NCK2: variants seen among roughly 807,000 people sequenced by gnomAD.
NCK2 encodes cytoplasmic protein NCK2.
A neutral mutation model predicts 33.9 loss-of-function variants in NCK2; 16 were observed. The ratio of observed to expected loss-of-function variants is 0.47; its 90% CI spans 0.32 to 0.72. NCK2 has a LOEUF of 0.72. Ranked by LOEUF, NCK2 falls within the 30% of genes least tolerant of loss-of-function variation. The probability of loss-of-function intolerance (pLI) is 0.03; values close to 1 mark genes in which losing one functional copy is unlikely to be tolerated. For synonymous variants in NCK2, 273 were observed against 239.9 expected, an observed-to-expected ratio of 1.14 and a Z score of -1.27; for missense variants, 418 against 537.3, an observed-to-expected ratio of 0.78 and a Z score of 2.19.
chr2:105,817,590 A>T (rs1675542577), intron 2 of NCK2, among the ~76,000 whole-genome samples: 1 of 152,186 alleles, frequency 6.6e-6, no homozygotes, highest in Admixed American at 6.5e-5. Context: ...TACAAGAAAA[A>T]AAACAACCCC....
intron 1 of NCK2, among the ~76,000 whole-genome samples, chr2:105,751,977 A>AAT (rs995639454): frequency 2.0e-5 from 3 of 152,292 alleles, no homozygotes; most frequent in African/African-American, 7.2e-5. Context: ...TATTTTGCCC[A>AAT]ATATATATAT....
intron 2 of NCK2, among the ~76,000 whole-genome samples, chr2:105,841,304 T>G (rs1676635873): frequency 6.6e-6 from 1 of 152,224 alleles, no homozygotes; most frequent in African/African-American, 2.4e-5. Context: ...CTGTGGCTTA[T>G]GTTTTTTCCC....
intron 1 of NCK2, among the ~76,000 whole-genome samples, chr2:105,787,478 G>T (rs892509937): frequency 6.6e-6 from 1 of 152,152 alleles, no homozygotes; most frequent in Non-Finnish European, 1.5e-5. Context: ...AGGACATAGC[G>T]AGAAGGCAGC....
chr2:105,852,306 CAGGGTTGTGGCCCAGGGGA>C (rs1470693247), intron 2 of NCK2, among the ~76,000 whole-genome samples: 8 of 152,140 alleles, frequency 5.3e-5, no homozygotes, highest in Non-Finnish European at 8.8e-5. Flanking sequence ...TCGCAGAGCT[CAGGGTTGTGGCCCAGGGGA>C]AGTTCTGTGG....
At chr2:105,750,037 A>AACACACACACACACACAC (rs72315025) in intron 1 of NCK2, among the ~76,000 whole-genome samples, 9,861 of 144,356 alleles carry the variant, frequency 0.068, 367 homozygotes, top group East Asian at 0.15. Context: ...AAAGCAAACA[A>AACACACACACACACACAC]ACACACACAC....
intron 1 of NCK2, among the ~76,000 whole-genome samples, chr2:105,748,016 A>C (rs116258224): frequency 1.9e-3 from 293 of 152,342 alleles, no homozygotes; most frequent in East Asian, 5.2e-3. Flanking sequence ...TCTAAAGGTA[A>C]ATGAACGTTA....
At chr2:105,744,728 C>T (rs1689200431), upstream of NCK2, among the ~76,000 whole-genome samples, 1 of 150,778 alleles carries the variant, frequency 6.6e-6, no homozygotes, top group Non-Finnish European at 1.5e-5. Context: ...GGGGGGCGCC[C>T]CAGGTGGGTC....
At chr2:105,783,829 G>A (rs1690580826) in intron 1 of NCK2, among the ~76,000 whole-genome samples, 1 of 152,094 alleles carries the variant, frequency 6.6e-6, no homozygotes, top group Non-Finnish European at 1.5e-5. Flanking sequence ...GGAAACAAGG[G>A]CATTTCTTCC....
At chr2:105,782,555 T>G (rs1690535110) in intron 1 of NCK2, among the ~76,000 whole-genome samples, 2 of 152,240 alleles carry the variant, frequency 1.3e-5, no homozygotes, top group Admixed American at 6.5e-5. Context: ...ATCCTCTCAC[T>G]CTTGAACTCC....
intron 3 of NCK2, among the ~76,000 whole-genome samples, chr2:105,874,345 TG>T (rs1389534685): frequency 6.6e-6 from 1 of 152,258 alleles, no homozygotes; most frequent in Admixed American, 6.5e-5. Flanking sequence ...AAATGTACTT[TG>T]GTCACTTTAT....
intron 3 of NCK2, among the ~76,000 whole-genome samples, chr2:105,878,466 C>T (rs1054136074): frequency 2.0e-5 from 3 of 152,194 alleles, no homozygotes; most frequent in Admixed American, 6.5e-5. Flanking sequence ...GGAACACAGA[C>T]ACACTCAGAG....
intron 4 of NCK2, among the ~76,000 whole-genome samples, chr2:105,884,020 G>T (rs931568482): frequency 6.6e-6 from 1 of 152,176 alleles, no homozygotes; most frequent in Non-Finnish European, 1.5e-5. Context: ...GGATCTTGCC[G>T]TGACACGGGC....
At chr2:105,863,492 A>G (rs1677627665) in intron 3 of NCK2, among the ~76,000 whole-genome samples, 1 of 152,148 alleles carries the variant, frequency 6.6e-6, no homozygotes, top group South Asian at 2.1e-4. Flanking sequence ...CAACAGTGTA[A>G]TAGGGTGTGT....
intron 1 of NCK2, among the ~76,000 whole-genome samples, chr2:105,815,611 G>A (rs1344333839): frequency 1.3e-5 from 2 of 152,188 alleles, no homozygotes; most frequent in Non-Finnish European, 2.9e-5. Flanking sequence ...CCACAACCAG[G>A]AGGGCGCTGG....
chr2:105,806,312 A>G (rs1271706623), intron 1 of NCK2, among the ~76,000 whole-genome samples: 1 of 144,810 alleles, frequency 6.9e-6, no homozygotes, highest in African/African-American at 2.6e-5. Context: ...ATCTCTGCTC[A>G]CTGCAAGCTC....
At chr2:105,831,427 C>G (rs1035918441) in intron 2 of NCK2, among the ~76,000 whole-genome samples, 1 of 123,946 alleles carries the variant, frequency 8.1e-6, no homozygotes. Flanking sequence ...TTTTTTTTGT[C>G]TTTTTGATAA....
intron 1 of NCK2, among the ~76,000 whole-genome samples, chr2:105,749,640 G>A (rs142746919): frequency 3.8e-4 from 58 of 152,166 alleles, no homozygotes; most frequent in African/African-American, 1.4e-3. Flanking sequence ...AGTGTCCTTG[G>A]GTATCTGCCT....
At chr2:105,854,973 A>T in intron 2 of NCK2, 75 bp from the exon 3 acceptor site, 1 of 1,167,978 alleles carries the variant, frequency 8.6e-7, no homozygotes, top group Non-Finnish European at 1.2e-6. Flanking sequence ...TCAGTGCCTA[A>T]TTTTTCAAGT....
In NCK2 at chr2:105,806,384, C is replaced by G. The variant is rs567798246; in HGVS notation, c.-200-10046C>G. ...TCCCGAGTAGCTGGGACTACAGGCA[C>G]CCACCACCACGTCCGGCTAACTTTT... On this transcript the variant is annotated intron_variant, in intron 1 of 4. Coordinates refer to ENST00000233154, the MANE Select transcript of NCK2 (RefSeq NM_003581.5). Among the ~76,000 whole-genome samples, 4 of 152,116 alleles carry G rather than the reference C, an allele frequency of 2.6e-5. No individual in the cohort carries two copies. The East Asian group carries it at 7.8e-4, about 29-fold the overall frequency.
Sources: allele counts gnomAD v4.1 joint callset (sites outside exome capture counted in the v4.1 genomes callset), GRCh38; gene constraint gnomAD v4.1.1; transcripts MANE v1.5; gene names NCBI Gene and HGNC (gene_info 2026-07-23, HGNC 2026-07-21).